Variants in PKM observed in about 807,000 individuals in gnomAD.
PKM encodes the protein pyruvate kinase M1/2.
A neutral mutation model predicts 49.8 loss-of-function variants in PKM; 18 were observed. The observed-to-expected ratio is 0.36, with a 90% CI of 0.25 to 0.54. The LOEUF is 0.54. Ranked by LOEUF, PKM falls within the 20% of genes least tolerant of loss-of-function variation. The pLI is 0.89. For missense variants in PKM, 508 were observed against 713.8 expected, an observed-to-expected ratio of 0.71 and a Z score of 3.28; for synonymous variants, 239 against 261.8, an observed-to-expected ratio of 0.91 and a Z score of 0.84.
chr15:72,209,479 T>G, intron 5 of PKM, 194 bp downstream of exon 5: 1 of 435,144 alleles, frequency 2.3e-6, no homozygotes, highest in Non-Finnish European at 4.2e-6. Flanking sequence ...TCCTGTGTTC[T>G]CCAGAACCAG....
At chr15:72,210,248 A>G in intron 4 of PKM, 99 bp downstream of exon 4, 3 of 1,250,278 alleles carry the variant, frequency 2.4e-6, no homozygotes, top group Middle Eastern at 5.5e-4. Flanking sequence ...AGTCCTTCAT[A>G]GTACTGGGAA....
intron 3 of PKM, 104 bp downstream of exon 3, chr15:72,217,300 GAAACT>G: frequency 2.7e-6 from 2 of 751,344 alleles, no homozygotes; most frequent in Non-Finnish European, 4.8e-6. Flanking sequence ...CACTGACTGT[GAAACT>G]CAGACTCATC....
At position 72,200,730 on chromosome 15, in the gene PKM, A is replaced by G. The variant is rs2856934; in HGVS notation, c.1308-75T>C. 1 of 1,289,220 alleles carries G rather than the reference A, an allele frequency of 7.8e-7. No individual in the cohort carries two copies. Among genetic ancestry groups the G allele is most frequent in the Non-Finnish European group, 1.1e-6 (1 of 908,370 alleles). The allele number at this position is 1,289,220 out of a possible 1,614,324, so 79.9% of individuals were successfully genotyped here. On this transcript the variant is annotated intron_variant, in intron 9 of 10. Transcript: ENST00000335181. This position sits in a 1 kb window ranked among gnomAD's most constrained non-coding sequence, Gnocchi z 4.6. ...GGAAGTACCCTCAGGGCGTTCAAAC[A>G]GCTCACCCTCTCATCCAGCTCACTG...
At chr15:72,222,260 C>A (rs1311863723) in intron 1 of PKM, among the ~76,000 whole-genome samples, 1 of 152,190 alleles carries the variant, frequency 6.6e-6, no homozygotes, top group Non-Finnish European at 1.5e-5. Flanking sequence ...GCAAGTTCAT[C>A]CAGACTCCAG....
rs2081962676 is a variant in PKM, at chr15:72,202,252, T to G, written c.1307+202A>C. 3 of 604,502 alleles carry G rather than the reference T, an allele frequency of 5.0e-6. No homozygotes were observed. The South Asian group carries it at 5.8e-5, about 12-fold the overall frequency. The allele number at this position is 604,502 out of a possible 1,614,324, so 37.4% of individuals were successfully genotyped here. On this transcript the variant is annotated intron_variant, in intron 9 of 10. Coordinates refer to ENST00000335181, the MANE Select transcript of PKM (RefSeq NM_002654.6). This position sits in a 1 kb window ranked among gnomAD's most constrained non-coding sequence, Gnocchi z 4.5. ...TGCTTTTGATCCAAATGTTCTGACA[T>G]TCCTTATGAGTGCTACCTAGAGTCC...
chr15:72,206,673 T>C, intron 8 of PKM, 55 bp downstream of exon 8: 1 of 1,573,990 alleles, frequency 6.4e-7, no homozygotes, highest in East Asian at 2.2e-5. Flanking sequence ...AGAGCTTGCA[T>C]CCATCCCAGG....
intron 5 of PKM, among the ~76,000 whole-genome samples, chr15:72,209,126 G>A (rs2082164238): frequency 6.6e-6 from 1 of 151,978 alleles, no homozygotes; most frequent in Non-Finnish European, 1.5e-5. Context: ...TCTGACTTTG[G>A]GAGGCCAAGG....
chr15:72,230,910 A>C (rs2082846506), intron 1 of PKM: 12 of 1,286,388 alleles, frequency 9.3e-6, no homozygotes, highest in Non-Finnish European at 1.2e-5. Context: ...CTGATCTGGA[A>C]GGAACGGCGC....
intron 7 of PKM, 78 bp downstream of exon 7, chr15:72,207,049 G>A (rs1442229640): frequency 6.4e-7 from 1 of 1,562,162 alleles, no homozygotes; most frequent in East Asian, 2.2e-5. Context: ...CATGGGAAGA[G>A]ATCAGACAGC....
intron 3 of PKM, among the ~76,000 whole-genome samples, chr15:72,215,860 A>T (rs1323980477): frequency 6.6e-6 from 1 of 152,088 alleles, no homozygotes; most frequent in Non-Finnish European, 1.5e-5. Flanking sequence ...GCTAACACTT[A>T]ATTCTCTAAC....
intron 2 of PKM, among the ~76,000 whole-genome samples, chr15:72,218,260 G>C (rs2082424134): frequency 6.6e-6 from 1 of 151,766 alleles, no homozygotes; most frequent in Admixed American, 6.6e-5. Context: ...AAGTAGCTGG[G>C]ATTATAGGTA....
At chr15:72,209,949 GAACAATGCTCAAGTCACTGCTA>G in intron 4 of PKM, 90 bp from the exon 5 acceptor site, 2 of 1,086,490 alleles carry the variant, frequency 1.8e-6, no homozygotes, top group Non-Finnish European at 2.8e-6. Flanking sequence ...TTCCTCCCGG[GAACAATGCTCAAGTCACTGCTA>G]AAAGTAATAC....
intron 3 of PKM, among the ~76,000 whole-genome samples, chr15:72,212,568 AAAG>A (rs2082281588): frequency 6.6e-6 from 1 of 152,190 alleles, no homozygotes; most frequent in Non-Finnish European, 1.5e-5. Context: ...GTGAGGAGTA[AAAG>A]AATACATGAA....
At position 72,202,690 on chromosome 15, in the gene PKM, G is replaced by C; in HGVS notation, c.1141-70C>G. The C allele has an allele frequency of 7.3e-7, 1 of 1,379,010 alleles. No individual in the cohort carries two copies. Among genetic ancestry groups the C allele is most frequent in the Non-Finnish European group, 1.0e-6 (1 of 984,824 alleles). 85.4% of individuals were successfully genotyped at this position (1,379,010 alleles called of 1,614,324 possible). On this transcript the variant is annotated intron_variant, in intron 8 of 10. Coordinates refer to ENST00000335181, the MANE Select transcript of PKM (RefSeq NM_002654.6). This position sits in a 1 kb window ranked among gnomAD's most constrained non-coding sequence, Gnocchi z 4.5. Reference sequence around the variant, plus strand: ...CTTTGTCAGAGCTTTGTCACAAAAGGAGAGGGAGGGGAAGAGTCACCGGAC... The same window carrying C: ...CTTTGTCAGAGCTTTGTCACAAAAGCAGAGGGAGGGGAAGAGTCACCGGAC...
chr15:72,209,326 G>A (rs2082169827), intron 5 of PKM, among the ~76,000 whole-genome samples: 2 of 149,614 alleles, frequency 1.3e-5, no homozygotes, highest in Admixed American at 6.7e-5. Flanking sequence ...CCAAGATCAT[G>A]CCACTGCACT....
At chr15:72,218,852 T>C in intron 2 of PKM, 92 bp downstream of exon 2, 1 of 1,311,804 alleles carries the variant, frequency 7.6e-7, no homozygotes, top group African/African-American at 1.4e-5. Flanking sequence ...ATGTAGCACC[T>C]AGGTTTGTTA....
intron 1 of PKM, among the ~76,000 whole-genome samples, chr15:72,223,231 T>G (rs1035644483): frequency 2.0e-5 from 3 of 152,048 alleles, no homozygotes; most frequent in African/African-American, 7.2e-5. Context: ...CTGGGAAAGA[T>G]TCACGCTTCA....
rs187245887 is a variant in PKM at position 72,223,301 on chromosome 15, G to A, written c.-13-4191C>T. ...CTGCCCTAATAAAATAGCCTGGCCC[G>A]TGAGTCTGCATCTGCCTAAGTCATT... On this transcript the variant is annotated intron_variant, in intron 1 of 10. Transcript: ENST00000335181. Among the ~76,000 whole-genome samples, 9 of 152,184 alleles carry A rather than the reference G, an allele frequency of 5.9e-5. No individual in the cohort carries two copies. In the South Asian group the frequency reaches 1.0e-3, roughly 18 times the overall value.
At chr15:72,229,456 T>C in intron 1 of PKM, 1 of 729,070 alleles carries the variant, frequency 1.4e-6, no homozygotes, top group Non-Finnish European at 2.1e-6. Flanking sequence ...CACGTGGACC[T>C]TCACTGTCGG....
Sources: gnomAD v4.1 joint callset for allele counts (sites outside exome capture counted in the v4.1 genomes callset) on GRCh38, gnomAD v4.1.1 for gene constraint, Gnocchi (gnomAD v3.1) non-coding constraint, MANE v1.5 for transcripts, NCBI Gene and HGNC (gene_info 2026-07-23, HGNC 2026-07-21) for gene names.